DENND1A: variants seen among roughly 807,000 people sequenced by gnomAD.
DENND1A encodes the protein DENN domain containing 1A.
DENND1A carries 51 observed loss-of-function variants against 113.7 expected under a neutral mutation model. The ratio of observed to expected loss-of-function variants is 0.45; its 90% CI spans 0.36 to 0.57. DENND1A has a LOEUF of 0.57. DENND1A is among the 20% of genes least tolerant of loss of function. The pLI, the probability that DENND1A is intolerant of heterozygous loss-of-function variation, is 0.00. For missense variants in DENND1A, 1,258 were observed against 1,395.9 expected (o/e 0.90, Z 1.57); for synonymous variants, 565 against 570.8 (o/e 0.99, Z 0.14).
chr9:123,620,909 T>C (rs938656781), intron 10 of DENND1A, among the ~76,000 whole-genome samples: 2 of 152,160 alleles, frequency 1.3e-5, no homozygotes, highest in Non-Finnish European at 2.9e-5. Flanking sequence ...GTTGGTGAAG[T>C]AGTGTTTCCT....
intron 5 of DENND1A, among the ~76,000 whole-genome samples, chr9:123,699,500 TC>T (rs1232074056): frequency 6.6e-6 from 1 of 151,988 alleles, no homozygotes; most frequent in African/African-American, 2.4e-5. Flanking sequence ...GCTCACCCCG[TC>T]CCCATCTTCC....
chr9:123,604,825 C>T (rs1188869998), intron 11 of DENND1A, among the ~76,000 whole-genome samples: 1 of 152,094 alleles, frequency 6.6e-6, no homozygotes, highest in Non-Finnish European at 1.5e-5. Flanking sequence ...CCCAAGAGCT[C>T]CTAAAACACA....
At chr9:123,665,302 G>C (rs556944296) in intron 8 of DENND1A, among the ~76,000 whole-genome samples, 22 of 152,104 alleles carry the variant, frequency 1.4e-4, no homozygotes, top group Non-Finnish European at 2.8e-4. Context: ...ATGTAAGCTT[G>C]TTGAGAGAGC....
Position 123,381,747 on chromosome 9 carries a change from C to T in DENND1A, c.2898G>A (p.Thr966=), listed in dbSNP as rs778438385. The change falls in exon 24 of 24, where the codon ACG becomes ACA. Residue 966 remains threonine, a synonymous_variant. Transcript: ENST00000394215. The surrounding 1 kb of genome is among the most constrained non-coding windows in gnomAD (Gnocchi z 4.7). ...GGGGACCCAGCGGCTGTAGGGGGCT[C>T]GTGTGGGTGCCCATGGGCATCTGGC... is the stretch of plus-strand genomic sequence containing the variant. The part of the protein sequence containing the change: ...LFGQMPMGTH[T]SPLQPLGPPA... 5.0e-5 allele frequency: 76 copies of T among 1,512,068 alleles called. No individual in the cohort carries two copies. In the Admixed American group the frequency reaches 7.8e-4, roughly 15 times the overall value. The allele number at this position is 1,512,068 out of a possible 1,614,324, so 93.7% of individuals were successfully genotyped here.
At chr9:123,616,733 C>T (rs994547463) in intron 10 of DENND1A, among the ~76,000 whole-genome samples, 1 of 152,168 alleles carries the variant, frequency 6.6e-6, no homozygotes, top group Non-Finnish European at 1.5e-5. Flanking sequence ...AATAAACCAG[C>T]CACCCAGGAG....
intron 5 of DENND1A, among the ~76,000 whole-genome samples, chr9:123,749,226 A>G (rs930477412): frequency 6.6e-6 from 1 of 152,228 alleles, no homozygotes; most frequent in African/African-American, 2.4e-5. Flanking sequence ...TTCATCATTT[A>G]TAAGATGAGG....
chr9:123,879,052 A>G, intron 1 of DENND1A, 31 bp from the exon 2 acceptor site: 2 of 1,608,726 alleles, frequency 1.2e-6, no homozygotes, highest in African/African-American at 1.3e-5. Context: ...GATTACTGAC[A>G]AAGATTGAGG....
At chr9:123,735,487 C>G (rs1301341858) in intron 5 of DENND1A, among the ~76,000 whole-genome samples, 1 of 152,220 alleles carries the variant, frequency 6.6e-6, no homozygotes, top group Non-Finnish European at 1.5e-5. Context: ...CTTCCCGATG[C>G]TCCCATGATC....
At chr9:123,427,108 A>C (rs1459474145) in intron 19 of DENND1A, among the ~76,000 whole-genome samples, 1 of 152,198 alleles carries the variant, frequency 6.6e-6, no homozygotes, top group Admixed American at 6.5e-5. Flanking sequence ...TGAGGACCAA[A>C]CTTGTTGGGG....
chr9:123,538,718 T>C (rs868491449), intron 13 of DENND1A, among the ~76,000 whole-genome samples: 3 of 145,362 alleles, frequency 2.1e-5, no homozygotes, highest in South Asian at 4.4e-4. Context: ...CCATCAAATA[T>C]GTTGAAATCC....
At position 123,519,194 on chromosome 9, in the gene DENND1A, G is replaced by A. The variant is rs926739929; in HGVS notation, c.993+38376C>T. 9.9e-5 allele frequency among the ~76,000 whole-genome samples: 15 copies of A among 152,162 alleles called. No individual in the cohort carries two copies. The South Asian group carries it at 1.7e-3, about 17-fold the overall frequency. On this transcript the variant is annotated intron_variant, in intron 13 of 23. Coordinates refer to ENST00000394215, the MANE Select transcript of DENND1A (RefSeq NM_001352964.2). The stretch of plus-strand genomic sequence containing the variant: ...ACTCTGCTCACCTCCTGTACAGCGC[G>A]GATGGAACTGTAAATGGTACATCGG...
intron 12 of DENND1A, among the ~76,000 whole-genome samples, chr9:123,574,442 T>C (rs893650727): frequency 1.3e-5 from 2 of 152,226 alleles, no homozygotes; most frequent in African/African-American, 4.8e-5. Flanking sequence ...TGAGTCACTT[T>C]CTGTAATTCA....
At chr9:123,617,466 C>T (rs888272626) in intron 10 of DENND1A, among the ~76,000 whole-genome samples, 1 of 152,152 alleles carries the variant, frequency 6.6e-6, no homozygotes, top group African/African-American at 2.4e-5. Flanking sequence ...GGCTTTGTGG[C>T]TTCCTGGGGT....
At chr9:123,679,782 C>T (rs748660029) in intron 5 of DENND1A, among the ~76,000 whole-genome samples, 7 of 152,176 alleles carry the variant, frequency 4.6e-5, no homozygotes, top group Non-Finnish European at 7.3e-5. Flanking sequence ...CTCCAGTCTG[C>T]GTGTGTCTGT....
intron 2 of DENND1A, among the ~76,000 whole-genome samples, chr9:123,838,176 C>T (rs1412692571): frequency 6.6e-6 from 1 of 152,138 alleles, no homozygotes; most frequent in Non-Finnish European, 1.5e-5. Flanking sequence ...ATCGAATCAA[C>T]AATCCACTAC....
intron 10 of DENND1A, among the ~76,000 whole-genome samples, chr9:123,625,183 T>C (rs1337997833): frequency 6.6e-6 from 1 of 152,218 alleles, no homozygotes; most frequent in Non-Finnish European, 1.5e-5. Flanking sequence ...ACATAACGTC[T>C]GTATCAGGAA....
intron 13 of DENND1A, 142 bp from the exon 14 acceptor site, chr9:123,458,039 C>A: frequency 1.6e-6 from 1 of 621,194 alleles, no homozygotes; most frequent in South Asian, 2.1e-5. Context: ...CTCACTCTGT[C>A]ACCCAGGCTG....
chr9:123,423,807 C>T (rs1188920488), intron 19 of DENND1A, among the ~76,000 whole-genome samples: 1 of 152,210 alleles, frequency 6.6e-6, no homozygotes, highest in African/African-American at 2.4e-5. Context: ...TAACAAGAGG[C>T]CCGTGTGTGG....
intron 13 of DENND1A, among the ~76,000 whole-genome samples, chr9:123,517,765 T>C (rs912955566): frequency 2.5e-5 from 3 of 119,090 alleles, no homozygotes; most frequent in African/African-American, 8.1e-5. Flanking sequence ...CAATATCTCA[T>C]AGTGTGAGGA....
Sources: gnomAD v4.1 joint callset for allele counts (sites outside exome capture counted in the v4.1 genomes callset) on GRCh38, gnomAD v4.1.1 for gene constraint, Gnocchi (gnomAD v3.1) non-coding constraint, MANE v1.5 for transcripts, NCBI Gene and HGNC (gene_info 2026-07-23, HGNC 2026-07-21) for gene names.